The following ERICH1 variants were observed in gnomAD, a reference collection of about 807,000 sequenced individuals.
ERICH1 encodes glutamate-rich protein 1.
In ERICH1, 56 loss-of-function variants were observed where a neutral mutation model predicts 39.6. The ratio of observed to expected loss-of-function variants is 1.41; its 90% confidence interval spans 1.14 to 1.77. The LOEUF is 1.77. Among genes scored for constraint, ERICH1 ranks in the 40% most tolerant of loss-of-function variants. The pLI is 0.00. For synonymous variants in ERICH1, 313 were observed against 223.6 expected (o/e 1.40, Z -3.57); for missense variants, 826 against 575.4 (o/e 1.44, Z -4.45).
intron 3 of ERICH1, among the ~76,000 whole-genome samples, chr8:619,758 A>G (rs1423274304): frequency 6.6e-6 from 1 of 152,208 alleles, no homozygotes; most frequent in Non-Finnish European, 1.5e-5. Context: ...AGTCTATGGA[A>G]TGAAACTATG....
At chr8:686,053 G>A (rs897413582) in intron 3 of ERICH1, among the ~76,000 whole-genome samples, 1 of 151,720 alleles carries the variant, frequency 6.6e-6, no homozygotes, top group Non-Finnish European at 1.5e-5. Flanking sequence ...CCAGCTTCTC[G>A]GGAGGCTGAG....
chr8:721,120 T>C (rs1359692159), intron 1 of ERICH1, among the ~76,000 whole-genome samples: 1 of 152,098 alleles, frequency 6.6e-6, no homozygotes, highest in Non-Finnish European at 1.5e-5. Context: ...AAGCGGGAGA[T>C]TTTTTCTTCA....
At chr8:715,727 C>T in intron 2 of ERICH1, 134 bp downstream of exon 2, 1 of 1,250,340 alleles carries the variant, frequency 8.0e-7, no homozygotes, top group Non-Finnish European at 1.1e-6. Context: ...CCTGCCCTGC[C>T]CACCTGCTGC....
chr8:700,568 A>AC (rs1468811936), intron 2 of ERICH1, among the ~76,000 whole-genome samples: 26 of 124,088 alleles, frequency 2.1e-4, no homozygotes, highest in Middle Eastern at 4.8e-3. Context: ...AGGCCCGCAC[A>AC]GGCGCACAGA....
At chr8:728,705 C>T (rs941643608) in intron 1 of ERICH1, among the ~76,000 whole-genome samples, 5 of 152,206 alleles carry the variant, frequency 3.3e-5, no homozygotes, top group Admixed American at 6.5e-5. Context: ...CTGCACAGCA[C>T]CTCTCAGAGG....
chr8:637,879 T>C (rs1232568117), intron 3 of ERICH1, among the ~76,000 whole-genome samples: 1 of 152,232 alleles, frequency 6.6e-6, no homozygotes, highest in African/African-American at 2.4e-5. Context: ...GCTCTCAACA[T>C]GTAGCCTGCT....
intron 3 of ERICH1, among the ~76,000 whole-genome samples, chr8:628,736 C>T (rs563753315): frequency 3.2e-4 from 49 of 152,318 alleles, no homozygotes; most frequent in Middle Eastern, 6.8e-3. Context: ...CCCACCCATA[C>T]CCTCACGTAG....
At chr8:624,103 T>C (rs1421722884) in intron 3 of ERICH1, among the ~76,000 whole-genome samples, 2 of 152,194 alleles carry the variant, frequency 1.3e-5, no homozygotes, top group Non-Finnish European at 2.9e-5. Flanking sequence ...GACATGGTTT[T>C]AAAGAAGTCA....
chr8:630,454 GTGAGCACCCAGACA>G (rs2117106289), intron 3 of ERICH1, among the ~76,000 whole-genome samples: 1 of 127,834 alleles, frequency 7.8e-6, no homozygotes, highest in African/African-American at 3.0e-5. Context: ...ACACCCTCCC[GTGAGCACCCAGACA>G]GACAGAGCTG....
chr8:699,777 CCG>C (rs1811314610), intron 2 of ERICH1, among the ~76,000 whole-genome samples: 1 of 93,830 alleles, frequency 1.1e-5, no homozygotes, highest in South Asian at 3.5e-4. Flanking sequence ...CCGCACAGAC[CCG>C]CACACGCGCA....
At chr8:705,366 A>G (rs534801123) in intron 2 of ERICH1, among the ~76,000 whole-genome samples, 10 of 152,278 alleles carry the variant, frequency 6.6e-5, no homozygotes, top group Non-Finnish European at 1.3e-4. Context: ...TACGTTTTTT[A>G]TTGTGATTTC....
chr8:635,239 C>A (rs1178154079), intron 3 of ERICH1, among the ~76,000 whole-genome samples: 1 of 152,192 alleles, frequency 6.6e-6, no homozygotes, highest in Non-Finnish European at 1.5e-5. Context: ...AAATACACAT[C>A]CGAGCTTATG....
intron 2 of ERICH1, among the ~76,000 whole-genome samples, chr8:711,739 C>T (rs1195264485): frequency 5.3e-5 from 8 of 152,256 alleles, no homozygotes; most frequent in South Asian, 4.1e-4. Context: ...CCTCGTGATC[C>T]GCCCATCTTG....
chr8:698,100 C>A (rs1445034614), intron 2 of ERICH1, among the ~76,000 whole-genome samples: 1 of 152,214 alleles, frequency 6.6e-6, no homozygotes, highest in Non-Finnish European at 1.5e-5. Context: ...CCGCCGCCTG[C>A]CCCCGTGCAG....
chr8:628,040 C>A (rs140884895), intron 3 of ERICH1, among the ~76,000 whole-genome samples: 1 of 152,272 alleles, frequency 6.6e-6, no homozygotes, highest in African/African-American at 2.4e-5. Flanking sequence ...AGCCAGCGGC[C>A]CCTCCCTTCC....
intron 3 of ERICH1, among the ~76,000 whole-genome samples, chr8:628,010 C>T (rs974594900): frequency 2.6e-5 from 4 of 152,180 alleles, no homozygotes; most frequent in South Asian, 2.1e-4. Context: ...GCAGCAGGGG[C>T]GCCTTCCTGA....
intron 3 of ERICH1, among the ~76,000 whole-genome samples, chr8:684,330 C>T (rs959606788): frequency 2.6e-5 from 4 of 151,566 alleles, no homozygotes; most frequent in Non-Finnish European, 4.4e-5. Flanking sequence ...GAAGAAAAGC[C>T]ATTGAATTAT....
chr8:634,380 G>A (rs555096116), intron 3 of ERICH1, among the ~76,000 whole-genome samples: 76 of 151,850 alleles, frequency 5.0e-4, no homozygotes, highest in Admixed American at 1.8e-3. Context: ...CACTGTTGGC[G>A]GGAATGTGAA....
At position 670,068 on chromosome 8, in the gene ERICH1, G is replaced by A. The variant is rs914051062; in HGVS notation, c.1064-1276C>T. Among the ~76,000 whole-genome samples, 8 of 152,090 alleles carry A rather than the reference G, an allele frequency of 5.3e-5. No individual in the cohort carries two copies. In the East Asian group the frequency reaches 1.4e-3, roughly 26 times the overall value. On this transcript the variant is annotated intron_variant, in intron 4 of 5. Coordinates refer to ENST00000262109, the MANE Select transcript of ERICH1 (RefSeq NM_207332.3). ...GGGCTCTTTCCTGTGTTTTCCACCC[G>A]TTTTCTCTCCACTCTGCATTCTGGG...
Sources: gnomAD v4.1 joint callset for allele counts (sites outside exome capture counted in the v4.1 genomes callset) on GRCh38, gnomAD v4.1.1 for gene constraint, MANE v1.5 for transcripts, NCBI Gene and HGNC (gene_info 2026-07-23, HGNC 2026-07-21) for gene names.